B4GALT6: variants seen among roughly 807,000 people sequenced by gnomAD.
B4GALT6 encodes beta-1,4-galactosyltransferase 6, also known as UDP-Gal:beta-GlcNAc beta-1,4-galactosyltransferase 6.
A neutral mutation model predicts 46.3 loss-of-function variants in B4GALT6; 14 were observed. That is an observed-to-expected ratio of 0.30 (90% CI 0.20 to 0.47). The LOEUF is 0.47. B4GALT6 is among the 20% of genes least tolerant of loss of function. The pLI, the probability that B4GALT6 is intolerant of heterozygous loss-of-function variation, is 0.99. For synonymous variants in B4GALT6, 168 were observed against 162.0 expected (o/e 1.04, Z -0.28); for missense variants, 386 against 480.1 (o/e 0.80, Z 1.83).
At chr18:31,651,118 T>C (rs146387640) in intron 3 of B4GALT6, among the ~76,000 whole-genome samples, 33 of 142,572 alleles carry the variant, frequency 2.3e-4, no homozygotes, top group African/African-American at 8.6e-4. Flanking sequence ...TTAAGAGAAA[T>C]GCAGCTCTAT....
At chr18:31,692,764 A>C in the B4GALT6 span, among the ~76,000 whole-genome samples, 1 of 152,194 alleles carries the variant, frequency 6.6e-6, no homozygotes. Flanking sequence ...TTTGTAGTTT[A>C]TGCTCTTACC....
intron 3 of B4GALT6, among the ~76,000 whole-genome samples, chr18:31,652,142 C>G (rs1426993883): frequency 6.6e-6 from 1 of 152,140 alleles, no homozygotes; most frequent in Non-Finnish European, 1.5e-5. Flanking sequence ...GAGCTCTTCC[C>G]TTACCTCCAC....
chr18:31,684,979 G>C (rs1484362764), upstream of B4GALT6, among the ~76,000 whole-genome samples: 1 of 147,204 alleles, frequency 6.8e-6, no homozygotes, highest in Non-Finnish European at 1.5e-5. Flanking sequence ...CCTGCGCGGG[G>C]CTAGCGTGGG....
the B4GALT6 span, among the ~76,000 whole-genome samples, chr18:31,696,172 G>T: frequency 5.3e-5 from 8 of 152,130 alleles, no homozygotes; most frequent in Non-Finnish European, 8.8e-5. Flanking sequence ...GACATAAAAA[G>T]GTAACAGATG....
chr18:31,707,609 G>T, the B4GALT6 span, among the ~76,000 whole-genome samples: 39 of 152,286 alleles, frequency 2.6e-4, no homozygotes, highest in African/African-American at 8.4e-4. Context: ...CATTTTTACA[G>T]TGGTAAATTA....
intron 3 of B4GALT6, among the ~76,000 whole-genome samples, chr18:31,649,391 G>A (rs1347931761): frequency 6.6e-6 from 1 of 152,118 alleles, no homozygotes; most frequent in African/African-American, 2.4e-5. Context: ...GAATGAGTAG[G>A]AAGATTCCTG....
At chr18:31,632,370 A>C (rs1480817400) in intron 5 of B4GALT6, among the ~76,000 whole-genome samples, 2 of 152,214 alleles carry the variant, frequency 1.3e-5, no homozygotes, top group Non-Finnish European at 1.5e-5. Context: ...AACTACTTTT[A>C]AGGTTTTAAA....
the B4GALT6 span, among the ~76,000 whole-genome samples, chr18:31,703,449 C>T: frequency 6.6e-6 from 1 of 152,178 alleles, no homozygotes; most frequent in South Asian, 2.1e-4. Context: ...CAGTTAGGGT[C>T]AGTGGGAGAA....
chr18:31,670,678 A>G (rs2074341251), intron 1 of B4GALT6, among the ~76,000 whole-genome samples: 1 of 152,314 alleles, frequency 6.6e-6, no homozygotes, highest in Non-Finnish European at 1.5e-5. Flanking sequence ...AATGGTTCCA[A>G]TTGTCTGCTT....
chr18:31,678,785 T>C (rs1018484216), intron 1 of B4GALT6, among the ~76,000 whole-genome samples: 2 of 152,202 alleles, frequency 1.3e-5, no homozygotes, highest in Non-Finnish European at 2.9e-5. Context: ...AACCAATGCT[T>C]CTATGCCCAA....
chr18:31,623,149 T>C lies in B4GALT6; in HGVS notation c.*2465A>G, dbSNP rs961808558. The C allele has an allele frequency of 2.6e-5, 4 of 152,124 alleles. No individual in the cohort carries two copies. Among genetic ancestry groups the C allele is most frequent in the Non-Finnish European group, 5.9e-5 (4 of 67,930 alleles). 9.4% of individuals were successfully genotyped at this position (152,124 alleles called of 1,614,324 possible). ...TAGGCAATCAATACATGCTCATTAATAAATCCTCCAAACATCCTATAATTT... is the reference window on the plus strand; with the variant it reads ...TAGGCAATCAATACATGCTCATTAACAAATCCTCCAAACATCCTATAATTT... On this transcript the variant is annotated 3_prime_UTR_variant, in exon 9 of 9. Coordinates refer to ENST00000306851, the MANE Select transcript of B4GALT6 (RefSeq NM_004775.5).
intron 4 of B4GALT6, among the ~76,000 whole-genome samples, chr18:31,642,190 T>G (rs2073938336): frequency 6.6e-6 from 1 of 152,200 alleles, no homozygotes; most frequent in Non-Finnish European, 1.5e-5. Context: ...ATTTTTTTTC[T>G]TTTAGAGATG....
In B4GALT6 at chr18:31,642,214, A is replaced by G. The variant is rs574010386; in HGVS notation, c.471+3141T>C. On this transcript the variant is annotated intron_variant, in intron 4 of 8. Coordinates refer to ENST00000306851, the MANE Select transcript of B4GALT6 (RefSeq NM_004775.5). ...CTTTTAGAGATGGGGGTCTCATTCT[A>G]TAGCCCAGGCTGGAGTACAGTGGTG... is the stretch of plus-strand genomic sequence containing the variant. 3.9e-5 allele frequency among the ~76,000 whole-genome samples: 6 copies of G among 152,278 alleles called. No individual in the cohort carries two copies. The South Asian group carries it at 1.2e-3, about 32-fold the overall frequency.
intron 1 of B4GALT6, among the ~76,000 whole-genome samples, chr18:31,682,391 T>A (rs916437592): frequency 1.3e-5 from 2 of 152,210 alleles, no homozygotes; most frequent in Non-Finnish European, 2.9e-5. Flanking sequence ...TGCACTCTTC[T>A]AACTGGTTTT....
At chr18:31,711,354 C>A in the B4GALT6 span, among the ~76,000 whole-genome samples, 7 of 152,062 alleles carry the variant, frequency 4.6e-5, no homozygotes, top group African/African-American at 1.4e-4. Flanking sequence ...ATTTTATCAC[C>A]CAAGTACTAA....
chr18:31,664,044 G>C (rs1267051943), intron 2 of B4GALT6, among the ~76,000 whole-genome samples: 1 of 152,168 alleles, frequency 6.6e-6, no homozygotes, highest in South Asian at 2.1e-4. Flanking sequence ...TTAAGTTCTA[G>C]CCAATTAAAT....
chr18:31,701,133 A>G, the B4GALT6 span, among the ~76,000 whole-genome samples: 21 of 152,152 alleles, frequency 1.4e-4, no homozygotes, highest in East Asian at 1.7e-3. Flanking sequence ...GTAATCCCCA[A>G]TGTTGGAGGT....
chr18:31,683,387 CTAAG>C (rs1375785217), intron 1 of B4GALT6, among the ~76,000 whole-genome samples: 1 of 152,108 alleles, frequency 6.6e-6, no homozygotes, highest in Non-Finnish European at 1.5e-5. Context: ...CTCACTGTTA[CTAAG>C]TAATTGAACA....
At chr18:31,653,704 C>T (rs2074104549) in intron 3 of B4GALT6, among the ~76,000 whole-genome samples, 1 of 152,076 alleles carries the variant, frequency 6.6e-6, no homozygotes, top group Admixed American at 6.6e-5. Flanking sequence ...GCCTCAGCCT[C>T]CCAAACTGCT....
Sources: gnomAD v4.1 joint callset for allele counts (sites outside exome capture counted in the v4.1 genomes callset) on GRCh38, gnomAD v4.1.1 for gene constraint, MANE v1.5 for transcripts, NCBI Gene and HGNC (gene_info 2026-07-23, HGNC 2026-07-21) for gene names.